The following GREB1L variants were observed in gnomAD, a reference collection of about 807,000 sequenced individuals.
GREB1L encodes the protein GREB1-like protein.
Under a neutral mutation model 200.8 loss-of-function variants are expected in GREB1L, and 17 were observed. That is an observed-to-expected ratio of 0.08 (90% CI 0.06 to 0.13). The LOEUF is 0.13. Among genes scored for constraint, GREB1L ranks in the 10% least tolerant of loss-of-function variants. GREB1L has a pLI of 1.00. For missense variants in GREB1L, 1,657 were observed against 2,367.7 expected (o/e 0.70, Z 6.23); for synonymous variants, 789 against 893.0 (o/e 0.88, Z 2.08).
At chr18:21,479,804 A>C (rs1568044557) in intron 17 of GREB1L, among the ~76,000 whole-genome samples, 2 of 152,090 alleles carry the variant, frequency 1.3e-5, no homozygotes, top group African/African-American at 2.4e-5. Flanking sequence ...GCAGTGGTGC[A>C]ATCATGGCTC....
intron 1 of GREB1L, among the ~76,000 whole-genome samples, chr18:21,358,972 C>G (rs193077212): frequency 6.6e-6 from 1 of 152,310 alleles, no homozygotes; most frequent in African/African-American, 2.4e-5. Flanking sequence ...TTAAGGTTTT[C>G]TATGTACAAG....
intron 5 of GREB1L, among the ~76,000 whole-genome samples, chr18:21,396,954 C>A (rs941356936): frequency 2.0e-5 from 3 of 151,972 alleles, no homozygotes; most frequent in African/African-American, 7.2e-5. Flanking sequence ...GCACAAATAT[C>A]AGTAAAAAGG....
At chr18:21,443,194 C>G (rs1294278447) in intron 10 of GREB1L, among the ~76,000 whole-genome samples, 1 of 143,364 alleles carries the variant, frequency 7.0e-6, no homozygotes, top group Non-Finnish European at 1.5e-5. Context: ...TGAGCTGCAC[C>G]CCACCTGGCC....
At chr18:21,373,081 C>T (rs1467524254) in intron 2 of GREB1L, among the ~76,000 whole-genome samples, 2 of 151,858 alleles carry the variant, frequency 1.3e-5, no homozygotes, top group African/African-American at 4.8e-5. Flanking sequence ...TTCATGATAC[C>T]CTTTGGCAGG....
intron 4 of GREB1L, among the ~76,000 whole-genome samples, chr18:21,390,370 A>G (rs1267030693): frequency 1.3e-5 from 2 of 152,048 alleles, no homozygotes; most frequent in Non-Finnish European, 2.9e-5. Context: ...CATTATTATC[A>G]TAGGAGATGA....
At chr18:21,253,457 G>A (rs1281569946) in intron 1 of GREB1L, among the ~76,000 whole-genome samples, 2 of 151,912 alleles carry the variant, frequency 1.3e-5, no homozygotes, top group East Asian at 3.9e-4. Context: ...CACCGTGTTG[G>A]CCAGGCTGGC....
chr18:21,497,820 C>G (rs1465060918), intron 21 of GREB1L, among the ~76,000 whole-genome samples: 1 of 96,570 alleles, frequency 1.0e-5, no homozygotes, highest in African/African-American at 3.3e-5. Context: ...CACCCCCCCC[C>G]CTTTTTTTTT....
chr18:21,508,309 C>T, intron 26 of GREB1L, 30 bp downstream of exon 26: 1 of 1,551,314 alleles, frequency 6.4e-7, no homozygotes, highest in South Asian at 1.2e-5. Flanking sequence ...CTGGCAGGCA[C>T]CAGACCTAGT....
At position 21,524,214 on chromosome 18, in the gene GREB1L, T is replaced by C. The variant is rs1327843592; in HGVS notation, c.*1393T>C. 1 of 152,208 alleles carries C rather than the reference T, an allele frequency of 6.6e-6. No homozygotes were observed. The highest frequency in any genetic ancestry group is 2.4e-5 in the African/African-American group (1 of 41,444). 9.4% of individuals were successfully genotyped at this position (152,208 alleles called of 1,614,324 possible). Reference sequence around the variant, plus strand: ...TACTGAGGGGCCTACTAAGCCTGCATTTACTTAGAACAAATAGTGTTAATT... The same window carrying C: ...TACTGAGGGGCCTACTAAGCCTGCACTTACTTAGAACAAATAGTGTTAATT... On this transcript the variant is annotated 3_prime_UTR_variant, in exon 33 of 33. Transcript: ENST00000424526.
rs1052734024 is a variant in GREB1L at position 21,525,846 on chromosome 18, A to G, written c.*3025A>G. 6.9e-6 allele frequency among the ~76,000 whole-genome samples: 1 copy of G among 144,118 alleles called. No individual in the cohort carries two copies. Among genetic ancestry groups the G allele is most frequent in the African/African-American group, 2.4e-5 (1 of 40,942 alleles). The allele number at this position is 144,118 out of a possible 152,430, so 94.5% of individuals were successfully genotyped here. ...GAAAAATGGCTTTCAATCTATTAAT[A>G]AAGTGTAGTAAATTAAAAGAATTTG... On this transcript the variant is annotated 3_prime_UTR_variant, in exon 33 of 33. Transcript: ENST00000424526.
chr18:21,398,004 A>C (rs7227189), intron 5 of GREB1L, among the ~76,000 whole-genome samples: 46,540 of 152,090 alleles, frequency 0.31, 9,400 homozygotes, highest in African/African-American at 0.54. Context: ...GTCTCATCTA[A>C]TGATAAACAG....
At chr18:21,310,645 A>T (rs1309242324) in intron 1 of GREB1L, among the ~76,000 whole-genome samples, 1 of 152,182 alleles carries the variant, frequency 6.6e-6, no homozygotes, top group East Asian at 1.9e-4. Flanking sequence ...CCCTGAAAGG[A>T]TCTCAGATAC....
intron 1 of GREB1L, among the ~76,000 whole-genome samples, chr18:21,306,280 G>A (rs1252320888): frequency 6.6e-6 from 1 of 152,128 alleles, no homozygotes; most frequent in Non-Finnish European, 1.5e-5. Context: ...ATAAACTGCT[G>A]AATCACTAAA....
At chr18:21,351,778 A>G (rs1312770758) in intron 1 of GREB1L, among the ~76,000 whole-genome samples, 2 of 152,184 alleles carry the variant, frequency 1.3e-5, no homozygotes, top group Non-Finnish European at 2.9e-5. Flanking sequence ...GTTTCAGACT[A>G]CTTCCTGTAT....
intron 17 of GREB1L, among the ~76,000 whole-genome samples, chr18:21,478,661 T>C (rs1367672476): frequency 6.6e-6 from 1 of 152,200 alleles, no homozygotes; most frequent in African/African-American, 2.4e-5. Context: ...CAGTGTGTTC[T>C]ATCACTAGAG....
chr18:21,279,136 G>C (rs936835710), intron 1 of GREB1L, among the ~76,000 whole-genome samples: 45 of 152,068 alleles, frequency 3.0e-4, no homozygotes, highest in African/African-American at 1.0e-3. Context: ...CTTGTTTAAA[G>C]AAAAGATTAC....
chr18:21,387,307 T>G (rs1472121171), intron 4 of GREB1L, among the ~76,000 whole-genome samples: 1 of 152,222 alleles, frequency 6.6e-6, no homozygotes, highest in Non-Finnish European at 1.5e-5. Flanking sequence ...TCTGTTTCTG[T>G]GAAGTGAAAT....
At position 21,403,933 on chromosome 18, in the gene GREB1L, G is replaced by A. The variant is rs531667797; in HGVS notation, c.771G>A (p.Ser257=). 9.0e-6 allele frequency: 14 copies of A among 1,550,622 alleles called. No individual in the cohort carries two copies. The East Asian group carries it at 1.5e-4, about 16-fold the overall frequency. ...CHSIKPSSSV[S]STVTPENGTT... is the part of the protein sequence containing the mutation. The stretch of plus-strand genomic sequence containing the variant: ...CTATTAAGCCAAGCTCTTCAGTGTC[G>A]TCAACTGTGACCCCAGAAAATGGGA... Residue 257 remains serine (S), a synonymous_variant, in exon 7 of 33, where the codon TCG becomes TCA. Transcript: ENST00000424526.
chr18:21,377,808 C>A (rs1992543), intron 2 of GREB1L, among the ~76,000 whole-genome samples: 1 of 151,738 alleles, frequency 6.6e-6, no homozygotes, highest in Non-Finnish European at 1.5e-5. Context: ...TACTCGGGAG[C>A]CTGAGGCAGG....
Sources: gnomAD v4.1 joint callset for allele counts (sites outside exome capture counted in the v4.1 genomes callset) on GRCh38, gnomAD v4.1.1 for gene constraint, MANE v1.5 for transcripts, NCBI Gene and HGNC (gene_info 2026-07-23, HGNC 2026-07-21) for gene names.